CCSER2: variants seen among roughly 807,000 people sequenced by gnomAD.
The protein encoded by CCSER2 is serine-rich coiled-coil domain-containing protein 2.
CCSER2 carries 46 observed loss-of-function variants against 92.3 expected under a neutral mutation model. That is an observed-to-expected ratio of 0.50 (90% CI 0.39 to 0.64). The LOEUF (loss-of-function observed/expected upper bound fraction) is 0.64. Among genes scored for constraint, CCSER2 ranks in the 30% least tolerant of loss-of-function variants. The pLI is 0.00. For missense variants in CCSER2, 1,244 were observed against 1,238.9 expected, an observed-to-expected ratio of 1.00 and a Z score of -0.06; for synonymous variants, 433 against 431.4, an observed-to-expected ratio of 1.00 and a Z score of -0.04.
intron 3 of CCSER2, among the ~76,000 whole-genome samples, chr10:84,381,251 T>TA (rs1354907822): frequency 3.3e-5 from 5 of 152,238 alleles, no homozygotes; most frequent in Admixed American, 2.0e-4. Context: ...TTTTGCTTTC[T>TA]AATTGTTTTG....
chr10:84,431,599 G>C (rs1843767033), intron 5 of CCSER2, among the ~76,000 whole-genome samples: 1 of 152,072 alleles, frequency 6.6e-6, no homozygotes. Context: ...AAAATTAGCT[G>C]GGCGTGGTGG....
chr10:84,497,365 A>G (rs1386372707), intron 9 of CCSER2, among the ~76,000 whole-genome samples: 2 of 152,250 alleles, frequency 1.3e-5, no homozygotes, highest in Non-Finnish European at 1.5e-5. Context: ...ATGGCATACA[A>G]CTGTTTGATA....
At chr10:84,499,732 T>A in intron 9 of CCSER2, 1 of 649,546 alleles carries the variant, frequency 1.5e-6, no homozygotes, top group Middle Eastern at 3.1e-4. Flanking sequence ...TTGAGCTGCC[T>A]GTATTTTAAA....
intron 9 of CCSER2, among the ~76,000 whole-genome samples, chr10:84,508,558 T>TGTA (rs1671066355): frequency 2.0e-5 from 3 of 152,278 alleles, no homozygotes; most frequent in African/African-American, 7.2e-5. Flanking sequence ...GACTCAGTAT[T>TGTA]GTGTTGTACT....
chr10:84,423,070 A>T (rs1002413757), intron 4 of CCSER2, among the ~76,000 whole-genome samples: 2 of 151,802 alleles, frequency 1.3e-5, no homozygotes, highest in East Asian at 1.9e-4. Flanking sequence ...AAAAAAAAAA[A>T]TTGTCTCTGG....
intron 9 of CCSER2, among the ~76,000 whole-genome samples, chr10:84,511,259 A>T (rs1031401630): frequency 2.0e-5 from 3 of 152,168 alleles, no homozygotes; most frequent in African/African-American, 7.2e-5. Context: ...TGTCTTTCTG[A>T]CTCTGCTGTA....
At chr10:84,404,121 G>A (rs1362189786) in intron 3 of CCSER2, among the ~76,000 whole-genome samples, 3 of 152,180 alleles carry the variant, frequency 2.0e-5, no homozygotes, top group Non-Finnish European at 4.4e-5. Context: ...GTAGCCAGAT[G>A]CCAAAGGGTC....
intron 1 of CCSER2, among the ~76,000 whole-genome samples, chr10:84,365,901 A>G (rs1361305689): frequency 6.6e-6 from 1 of 152,170 alleles, no homozygotes; most frequent in East Asian, 1.9e-4. Context: ...TATCAATACC[A>G]GTTTTCTTAT....
chr10:84,491,057 T>A (rs1325778414), intron 9 of CCSER2, among the ~76,000 whole-genome samples: 1 of 152,212 alleles, frequency 6.6e-6, no homozygotes, highest in Non-Finnish European at 1.5e-5. Context: ...GAACAGCGAA[T>A]ATTGCTGAAC....
intron 9 of CCSER2, among the ~76,000 whole-genome samples, chr10:84,486,702 A>G (rs1303151066): frequency 2.0e-5 from 3 of 151,898 alleles, no homozygotes; most frequent in South Asian, 2.1e-4. Flanking sequence ...TTGCCTGTTC[A>G]CTCTGATGGT....
intron 1 of CCSER2, among the ~76,000 whole-genome samples, chr10:84,352,588 A>T (rs1252347812): frequency 1.3e-5 from 2 of 151,952 alleles, no homozygotes; most frequent in East Asian, 3.9e-4. Context: ...AAGAGTACCT[A>T]TCACCACCAC....
intron 3 of CCSER2, among the ~76,000 whole-genome samples, chr10:84,396,951 A>G (rs749201052): frequency 2.6e-5 from 4 of 152,234 alleles, no homozygotes; most frequent in Non-Finnish European, 5.9e-5. Flanking sequence ...AATATTTTAC[A>G]GTTATAAACT....
intron 1 of CCSER2, among the ~76,000 whole-genome samples, chr10:84,330,617 A>G (rs1445677750): frequency 6.6e-6 from 1 of 151,952 alleles, no homozygotes; most frequent in African/African-American, 2.4e-5. Context: ...GGTTCATGCG[A>G]TTCTCTTGCC....
intron 9 of CCSER2, among the ~76,000 whole-genome samples, chr10:84,507,793 C>T (rs968199990): frequency 1.3e-5 from 2 of 152,028 alleles, no homozygotes; most frequent in South Asian, 2.1e-4. Flanking sequence ...ACTACTTTGC[C>T]TTTTTTCATG....
At chr10:84,437,038 A>G (rs553521327) in intron 5 of CCSER2, among the ~76,000 whole-genome samples, 2 of 152,212 alleles carry the variant, frequency 1.3e-5, no homozygotes, top group African/African-American at 4.8e-5. Flanking sequence ...ATTGGAGATA[A>G]TATTTTTTCA....
At chr10:84,355,145 C>T (rs544607299) in intron 1 of CCSER2, among the ~76,000 whole-genome samples, 4 of 152,102 alleles carry the variant, frequency 2.6e-5, no homozygotes, top group Non-Finnish European at 5.9e-5. Context: ...AGTGACTTTT[C>T]AAAATTCAGG....
chr10:84,350,134 C>T (rs766024340), intron 1 of CCSER2, among the ~76,000 whole-genome samples: 7 of 152,194 alleles, frequency 4.6e-5, no homozygotes, highest in Non-Finnish European at 7.3e-5. Context: ...GCCTGGGTGA[C>T]AGCGAGATTC....
At chr10:84,389,393 C>A in intron 3 of CCSER2, 1 of 505,688 alleles carries the variant, frequency 2.0e-6, no homozygotes, top group South Asian at 1.4e-5. Flanking sequence ...CTTTCTGTCT[C>A]CTGGCAGTTC....
At chr10:84,455,796 C>T (rs1845581505) in intron 6 of CCSER2, 4 of 1,089,320 alleles carry the variant, frequency 3.7e-6, no homozygotes, top group South Asian at 1.2e-5. Flanking sequence ...TAGATTTTCA[C>T]AGACTTATCT....
Sources: gnomAD v4.1 joint callset for allele counts (sites outside exome capture counted in the v4.1 genomes callset) on GRCh38, gnomAD v4.1.1 for gene constraint, MANE v1.5 for transcripts, NCBI Gene and HGNC (gene_info 2026-07-23, HGNC 2026-07-21) for gene names.